The following TMEM40 variants were observed in gnomAD, a reference collection of about 807,000 sequenced individuals.
TMEM40 encodes the protein transmembrane protein 40.
Under a neutral mutation model 40.8 loss-of-function variants are expected in TMEM40, and 34 were observed. The observed-to-expected ratio is 0.83, with a 90% confidence interval of 0.63 to 1.11. The LOEUF is 1.11. Among genes scored for constraint, TMEM40 ranks in the 50% least tolerant of loss-of-function variants. The pLI is 0.00. For missense variants in TMEM40, 296 were observed against 280.2 expected (o/e 1.06, Z -0.40); for synonymous variants, 106 against 107.0 (o/e 0.99, Z 0.06).
At chr3:12,764,662 AGTTGTTTCACCT>A (rs2106624820) in intron 1 of TMEM40, among the ~76,000 whole-genome samples, 1 of 152,308 alleles carries the variant, frequency 6.6e-6, no homozygotes, top group East Asian at 1.9e-4. Context: ...TCCAGGCTTC[AGTTGTTTCACCT>A]GTAAAATGGG....
intron 3 of TMEM40, 131 bp from the exon 4 acceptor site, chr3:12,744,120 G>C: frequency 2.4e-6 from 2 of 822,950 alleles, no homozygotes; most frequent in Non-Finnish European, 3.8e-6. Flanking sequence ...ACTCTGATTT[G>C]GGGACTGGAG....
intron 1 of TMEM40, among the ~76,000 whole-genome samples, chr3:12,767,523 G>A (rs918886293): frequency 2.6e-5 from 4 of 152,170 alleles, no homozygotes; most frequent in African/African-American, 9.7e-5. Context: ...ACAGATTAGA[G>A]AATTGGGGTG....
At chr3:12,743,085 A>G (rs1238051061) in intron 4 of TMEM40, among the ~76,000 whole-genome samples, 1 of 152,160 alleles carries the variant, frequency 6.6e-6, no homozygotes, top group Non-Finnish European at 1.5e-5. Context: ...TGTACTATAC[A>G]ATAATTCACC....
chr3:12,769,240 T>C (rs1022546044), intron 1 of TMEM40: 14 of 411,202 alleles, frequency 3.4e-5, no homozygotes, highest in African/African-American at 1.9e-4. Flanking sequence ...CCCGTGCCTT[T>C]CTCTCCATAC....
At chr3:12,739,669 C>T (rs1305583134) in intron 5 of TMEM40, among the ~76,000 whole-genome samples, 2 of 151,952 alleles carry the variant, frequency 1.3e-5, no homozygotes, top group Non-Finnish European at 2.9e-5. Flanking sequence ...AATCCTCCCA[C>T]CTTGGCCTCC....
At chr3:12,741,849 C>T (rs1311277869) in intron 5 of TMEM40, among the ~76,000 whole-genome samples, 3 of 151,846 alleles carry the variant, frequency 2.0e-5, no homozygotes, top group Admixed American at 6.6e-5. Context: ...AATTCTGGCA[C>T]TTTGGGAGGC....
chr3:12,754,668 GA>G (rs1365041807), intron 1 of TMEM40, among the ~76,000 whole-genome samples: 1 of 152,208 alleles, frequency 6.6e-6, no homozygotes, highest in East Asian at 1.9e-4. Context: ...GTCCTGCATA[GA>G]ATAAGTTCTG....
At chr3:12,769,094 C>T (rs2061609909) in intron 1 of TMEM40, among the ~76,000 whole-genome samples, 2 of 151,358 alleles carry the variant, frequency 1.3e-5, no homozygotes, top group South Asian at 4.1e-4. Flanking sequence ...GCGCACCCTC[C>T]ACAGCTGCTG....
chr3:12,759,931 A>T (rs1364699783), upstream of TMEM40, among the ~76,000 whole-genome samples: 1 of 151,938 alleles, frequency 6.6e-6, no homozygotes, highest in Non-Finnish European at 1.5e-5. Flanking sequence ...GCAGCAGGAC[A>T]GGAAACAAGT....
upstream of TMEM40, among the ~76,000 whole-genome samples, chr3:12,763,582 C>G (rs1355231930): frequency 1.3e-5 from 2 of 152,206 alleles, no homozygotes; most frequent in Non-Finnish European, 2.9e-5. Context: ...TCCAGAACTG[C>G]AAGCGGGGGC....
intron 11 of TMEM40, among the ~76,000 whole-genome samples, chr3:12,735,104 G>A (rs762128323): frequency 4.6e-5 from 7 of 152,308 alleles, no homozygotes; most frequent in African/African-American, 1.7e-4. Context: ...CACTAAAGCT[G>A]TGTGACTGTG....
At chr3:12,735,414 G>C in intron 11 of TMEM40, 141 bp downstream of exon 11, 1 of 781,312 alleles carries the variant, frequency 1.3e-6, no homozygotes, top group Non-Finnish European at 2.2e-6. Context: ...GGGTCACAGA[G>C]CTAGTAAACT....
intron 3 of TMEM40, among the ~76,000 whole-genome samples, chr3:12,744,339 C>T (rs1210702641): frequency 6.6e-6 from 1 of 152,176 alleles, no homozygotes; most frequent in Non-Finnish European, 1.5e-5. Flanking sequence ...TGTTTCCCCA[C>T]CCATCATGCT....
At position 12,733,593 on chromosome 3, in the gene TMEM40, G is replaced by A. The variant is rs888141067; in HGVS notation, c.*1181C>T. 2.6e-5 allele frequency: 4 copies of A among 151,938 alleles called. No homozygotes were observed. The highest frequency in any genetic ancestry group is 1.3e-4 in the Admixed American group (2 of 15,220). 9.4% of individuals were successfully genotyped at this position (151,938 alleles called of 1,614,324 possible). The stretch of plus-strand genomic sequence containing the variant: ...TCTGATCTGTGCACTCTGGGCTCCC[G>A]TTAAATTAGGTTACATACAAGTACT... On this transcript the variant is annotated 3_prime_UTR_variant, in exon 12 of 12. Coordinates refer to ENST00000314124, the MANE Select transcript of TMEM40 (RefSeq NM_018306.4).
intron 1 of TMEM40, among the ~76,000 whole-genome samples, chr3:12,755,658 G>C (rs960767279): frequency 6.6e-6 from 1 of 152,108 alleles, no homozygotes; most frequent in African/African-American, 2.4e-5. Context: ...ACTAAAAATA[G>C]TTAATAGTAT....
intron 1 of TMEM40, among the ~76,000 whole-genome samples, chr3:12,751,485 G>A (rs1485336792): frequency 6.6e-6 from 1 of 151,506 alleles, no homozygotes; most frequent in Non-Finnish European, 1.5e-5. Flanking sequence ...TCACCATATT[G>A]GCCAGGCTGG....
chr3:12,756,877 CACAT>C (rs2061532820), intron 1 of TMEM40, among the ~76,000 whole-genome samples: 1 of 151,976 alleles, frequency 6.6e-6, no homozygotes, highest in East Asian at 1.9e-4. Context: ...CTCACACACA[CACAT>C]ACACACACAC....
At chr3:12,742,739 C>T (rs1374962514) in intron 4 of TMEM40, among the ~76,000 whole-genome samples, 1 of 152,140 alleles carries the variant, frequency 6.6e-6, no homozygotes, top group African/African-American at 2.4e-5. Flanking sequence ...CCTGAGAGGA[C>T]CTGGACCTTG....
chr3:12,743,828 C>T, intron 4 of TMEM40, 72 bp downstream of exon 4: 1 of 1,427,544 alleles, frequency 7.0e-7, no homozygotes, highest in Non-Finnish European at 9.8e-7. Context: ...AAGAACATCA[C>T]ACTTCAGTCC....
Sources: gnomAD v4.1 joint callset for allele counts (sites outside exome capture counted in the v4.1 genomes callset) on GRCh38, gnomAD v4.1.1 for gene constraint, MANE v1.5 for transcripts, NCBI Gene and HGNC (gene_info 2026-07-23, HGNC 2026-07-21) for gene names.